Variants in FANCA observed in about 807,000 individuals in gnomAD.
FANCA encodes the protein FA complementation group A.
A neutral mutation model predicts 194.3 loss-of-function variants in FANCA; 236 were observed. The observed-to-expected ratio is 1.21, with a 90% CI of 1.09 to 1.35. The LOEUF (loss-of-function observed/expected upper bound fraction) is 1.35, where lower values mean the gene tolerates loss of function less well. FANCA is among the 40% of genes most tolerant of loss of function. The pLI is 0.00. For missense variants in FANCA, 2,628 were observed against 1,813.9 expected (o/e 1.45, Z -8.15); for synonymous variants, 1,014 against 715.8 (o/e 1.42, Z -6.65).
At chr16:89,790,797 C>A (rs1446704216) in intron 14 of FANCA, among the ~76,000 whole-genome samples, 3 of 151,696 alleles carry the variant, frequency 2.0e-5, no homozygotes, top group Admixed American at 2.0e-4. Flanking sequence ...GCAGCATCCA[C>A]TTCTGTGTCC....
chr16:89,814,656 C>A (rs758516096), intron 2 of FANCA, 43 bp from the exon 3 acceptor site: 42 of 1,487,600 alleles, frequency 2.8e-5, no homozygotes, highest in Non-Finnish European at 3.8e-5. Context: ...AAAATTCAAG[C>A]TCCAGGCCAG....
At chr16:89,816,355 C>T (rs914092240) in intron 1 of FANCA, 182 bp downstream of exon 1, 1 of 338,064 alleles carries the variant, frequency 3.0e-6, no homozygotes, top group African/African-American at 2.2e-5. Flanking sequence ...CGCCCAGGCG[C>T]AGGAGGGGCC....
chr16:89,749,204 G>T (rs919227281), intron 32 of FANCA, among the ~76,000 whole-genome samples: 1 of 151,502 alleles, frequency 6.6e-6, no homozygotes, highest in Non-Finnish European at 1.5e-5. Flanking sequence ...CTCCACGTCT[G>T]AGCAGGAAGG....
At chr16:89,806,514 G>C (rs920514463) in intron 6 of FANCA, among the ~76,000 whole-genome samples, 4 of 151,874 alleles carry the variant, frequency 2.6e-5, no homozygotes, top group Non-Finnish European at 5.9e-5. Context: ...CAGTGTTTGT[G>C]TCCCTGGGTA....
Position 89,749,716 on chromosome 16 carries a change from G to GTC in FANCA, c.3239+13_3239+14insGA. On this transcript the variant is annotated intron_variant, in intron 32 of 42. Coordinates refer to ENST00000389301, the MANE Select transcript of FANCA (RefSeq NM_000135.4). ...CAGGTGGTGCTGCCCTGCCCAGGTGGTAGTAGGTGTTACCGTTTGTACATT... is the reference window on the plus strand; with the variant it reads ...CAGGTGGTGCTGCCCTGCCCAGGTGGTCTAGTAGGTGTTACCGTTTGTACATT... The GTC allele has an allele frequency of 6.2e-7, 1 of 1,611,944 alleles. No individual in the cohort carries two copies. Among genetic ancestry groups the GTC allele is most frequent in the Non-Finnish European group, 8.5e-7 (1 of 1,178,944 alleles).
intron 8 of FANCA, among the ~76,000 whole-genome samples, chr16:89,801,205 G>A (rs2040438593): frequency 6.6e-6 from 1 of 151,666 alleles, no homozygotes; most frequent in African/African-American, 2.4e-5. Context: ...CTAGCCGGGA[G>A]TGGTGGTGGG....
intron 17 of FANCA, among the ~76,000 whole-genome samples, chr16:89,780,884 C>T (rs968056853): frequency 6.7e-6 from 1 of 149,362 alleles, no homozygotes; most frequent in Non-Finnish European, 1.5e-5. Context: ...GAACTGTGAT[C>T]ACGGTACTAT....
intron 28 of FANCA, among the ~76,000 whole-genome samples, chr16:89,764,427 T>A (rs1351176635): frequency 6.6e-6 from 1 of 152,046 alleles, no homozygotes. Flanking sequence ...TGCCTCAGCC[T>A]CCCAAGTAGC....
At chr16:89,751,770 C>CTT (rs35187435) in intron 31 of FANCA, among the ~76,000 whole-genome samples, 46 of 144,930 alleles carry the variant, frequency 3.2e-4, no homozygotes, top group Middle Eastern at 3.7e-3. Flanking sequence ...CAATAAATAT[C>CTT]TTTTTTTTTT....
At chr16:89,781,560 G>A (rs1372763488) in intron 17 of FANCA, among the ~76,000 whole-genome samples, 1 of 146,082 alleles carries the variant, frequency 6.8e-6, no homozygotes, top group African/African-American at 2.5e-5. Flanking sequence ...CCTGTAGTCT[G>A]AGCTACTGGA....
chr16:89,759,936 T>TGGGTGCTCCACCCACGCTGTGCGGGACCG lies in FANCA; in HGVS notation c.2853-1260_2853-1232dup, dbSNP rs1410540435. ...TGCTCCACCCACGCTGTGCGGGACC[T>TGGGTGCTCCACCCACGCTGTGCGGGACCG]GGGTGCTCCACCCACGCTGTGCGGG... On this transcript the variant is annotated intron_variant, in intron 29 of 42. Transcript: ENST00000389301. Among the ~76,000 whole-genome samples the TGGGTGCTCCACCCACGCTGTGCGGGACCG allele has an allele frequency of 1.8e-3, 270 of 149,832 alleles. 2 individuals are homozygous for TGGGTGCTCCACCCACGCTGTGCGGGACCG. The highest frequency in any genetic ancestry group is 6.9e-3 in the Middle Eastern group (2 of 290).
chr16:89,805,629 T>A (rs967890549), intron 6 of FANCA, among the ~76,000 whole-genome samples: 5 of 151,884 alleles, frequency 3.3e-5, no homozygotes, highest in African/African-American at 1.2e-4. Context: ...CAGCTGGAGG[T>A]CTTACTACTT....
In FANCA at chr16:89,787,348, C is replaced by T. The variant is rs959594060; in HGVS notation, c.1360-2384G>A. Among the ~76,000 whole-genome samples, 14 of 152,166 alleles carry T rather than the reference C, an allele frequency of 9.2e-5. No homozygotes were observed. The South Asian group carries it at 1.0e-3, about 11-fold the overall frequency. ...ACCATCCTGGCTAACCCGGTGAAAC[C>T]CTGTCTCTACTAAAAATACAAAAAA... On this transcript the variant is annotated intron_variant, in intron 14 of 42. Coordinates refer to ENST00000389301, the MANE Select transcript of FANCA (RefSeq NM_000135.4).
chr16:89,753,780 C>G (rs1464632161), intron 30 of FANCA, among the ~76,000 whole-genome samples: 1 of 152,188 alleles, frequency 6.6e-6, no homozygotes, highest in African/African-American at 2.4e-5. Flanking sequence ...TGGGGACAGA[C>G]ACGGTGGCTC....
intron 6 of FANCA, among the ~76,000 whole-genome samples, chr16:89,806,273 T>A (rs2040639317): frequency 6.6e-6 from 1 of 151,804 alleles, no homozygotes; most frequent in Non-Finnish European, 1.5e-5. Flanking sequence ...GAATACACAC[T>A]CTGCTACTAC....
Position 89,752,116 on chromosome 16 carries a change from G to A in FANCA, c.3066+22C>T, listed in dbSNP as rs757265614. The A allele has an allele frequency of 5.0e-6, 8 of 1,605,786 alleles. No homozygotes were observed. The South Asian group carries it at 6.6e-5, about 13-fold the overall frequency. ...GGCTTAAATGAAGTGAATGCACTGA[G>A]TTGTGGCACCCTCAAACTCACCTGC... On this transcript the variant is annotated intron_variant, in intron 31 of 42. Coordinates refer to ENST00000389301, the MANE Select transcript of FANCA (RefSeq NM_000135.4).
chr16:89,744,730 C>T, intron 36 of FANCA: 1 of 581,120 alleles, frequency 1.7e-6, no homozygotes, highest in South Asian at 1.8e-5. Flanking sequence ...GATCTCGGCT[C>T]ACTGGAAACT....
At chr16:89,796,227 C>A (rs140351998) in intron 10 of FANCA, among the ~76,000 whole-genome samples, 5 of 152,086 alleles carry the variant, frequency 3.3e-5, no homozygotes, top group Non-Finnish European at 5.9e-5. Flanking sequence ...GCGAAACCCA[C>A]GGAGCAGAGA....
intron 34 of FANCA, 27 bp from the exon 35 acceptor site, chr16:89,746,715 C>G (rs777425865): frequency 5.6e-6 from 9 of 1,611,318 alleles, no homozygotes. Flanking sequence ...AGCAGGAGGT[C>G]AGCGGTTTGT....
Sources: gnomAD v4.1 joint callset for allele counts (sites outside exome capture counted in the v4.1 genomes callset) on GRCh38, gnomAD v4.1.1 for gene constraint, MANE v1.5 for transcripts, NCBI Gene and HGNC (gene_info 2026-07-23, HGNC 2026-07-21) for gene names.